FAM13A: variants seen among roughly 807,000 people sequenced by gnomAD.
The protein encoded by FAM13A is family with sequence similarity 13 member A.
In FAM13A, 76 loss-of-function variants were observed where a neutral mutation model predicts 129.6. The observed-to-expected ratio is 0.59, with a 90% confidence interval of 0.49 to 0.71. The LOEUF (loss-of-function observed/expected upper bound fraction) is 0.71, where lower values mean the gene tolerates loss of function less well. FAM13A is among the 30% of genes least tolerant of loss of function. The pLI, the probability that FAM13A is intolerant of heterozygous loss-of-function variation, is 0.00. For synonymous variants in FAM13A, 443 were observed against 449.9 expected, an observed-to-expected ratio of 0.98 and a Z score of 0.20; for missense variants, 1,108 against 1,249.3, an observed-to-expected ratio of 0.89 and a Z score of 1.70.
At chr4:88,734,743 A>T (rs1035911588) in intron 21 of FAM13A, among the ~76,000 whole-genome samples, 2 of 152,216 alleles carry the variant, frequency 1.3e-5, no homozygotes, top group Non-Finnish European at 2.9e-5. Context: ...TCTGGTAAGC[A>T]TCCCACAAAG....
At chr4:88,913,022 GGAAGAA>G (rs60618273) in intron 5 of FAM13A, among the ~76,000 whole-genome samples, 1,527 of 147,704 alleles carry the variant, frequency 0.01, 8 homozygotes, top group Non-Finnish European at 0.015. Flanking sequence ...AGGAGGAGGA[GGAAGAA>G]GAAGAAGAAG....
chr4:88,869,123 A>G (rs988282567), intron 6 of FAM13A, among the ~76,000 whole-genome samples: 5 of 152,176 alleles, frequency 3.3e-5, no homozygotes, highest in Non-Finnish European at 7.4e-5. Context: ...TTTATCTCAA[A>G]TAAGTCTACT....
chr4:88,961,100 G>A (rs1419439483), intron 4 of FAM13A, among the ~76,000 whole-genome samples: 1 of 151,986 alleles, frequency 6.6e-6, no homozygotes, highest in Non-Finnish European at 1.5e-5. Flanking sequence ...GATAGAAATG[G>A]TGACTAAGTT....
intron 13 of FAM13A, among the ~76,000 whole-genome samples, chr4:88,762,492 T>A (rs1560923775): frequency 6.6e-6 from 1 of 152,140 alleles, no homozygotes; most frequent in Non-Finnish European, 1.5e-5. Flanking sequence ...CTGGGGTTGC[T>A]TTCTTACTTG....
chr4:88,876,499 A>T (rs1742499435), intron 6 of FAM13A, among the ~76,000 whole-genome samples: 1 of 152,148 alleles, frequency 6.6e-6, no homozygotes, highest in Non-Finnish European at 1.5e-5. Flanking sequence ...TGTAAAACAG[A>T]ATTTTTTTCT....
intron 6 of FAM13A, 25 bp from the exon 7 acceptor site, chr4:88,851,208 G>A (rs770919539): frequency 1.3e-6 from 2 of 1,526,782 alleles, no homozygotes; most frequent in Non-Finnish European, 1.8e-6. Context: ...AAAGAGGGGT[G>A]GGGGAGAGCT....
intron 3 of FAM13A, among the ~76,000 whole-genome samples, chr4:89,017,552 T>G (rs999558137): frequency 2.0e-5 from 3 of 152,188 alleles, no homozygotes; most frequent in African/African-American, 7.2e-5. Flanking sequence ...CTTTGAAATT[T>G]ATAGGATTTT....
At chr4:89,048,764 A>G (rs1192096218) in intron 1 of FAM13A, among the ~76,000 whole-genome samples, 1 of 152,214 alleles carries the variant, frequency 6.6e-6, no homozygotes, top group Non-Finnish European at 1.5e-5. Flanking sequence ...GATGAAATAG[A>G]TAACTTTTGA....
intron 19 of FAM13A, among the ~76,000 whole-genome samples, chr4:88,746,522 C>T (rs541884671): frequency 6.6e-6 from 1 of 152,204 alleles, no homozygotes. Context: ...TCTAGTTTCA[C>T]ACCTTTCATT....
At chr4:88,975,965 A>G (rs73847210) in intron 4 of FAM13A, among the ~76,000 whole-genome samples, 2,794 of 152,254 alleles carry the variant, frequency 0.018, 81 homozygotes, top group African/African-American at 0.061. Flanking sequence ...GTGGCCAATC[A>G]TTGACACCCA....
chr4:88,816,065 G>C (rs1377179129), intron 7 of FAM13A, among the ~76,000 whole-genome samples: 3 of 150,612 alleles, frequency 2.0e-5, no homozygotes, highest in Admixed American at 6.6e-5. Context: ...ATTAATTCCA[G>C]ATAATTACAA....
intron 6 of FAM13A, among the ~76,000 whole-genome samples, chr4:88,853,437 T>C (rs900326045): frequency 1.3e-4 from 20 of 152,298 alleles, no homozygotes; most frequent in African/African-American, 4.8e-4. Context: ...AGTAAAAATA[T>C]ACGCTGTTAT....
At chr4:88,876,847 T>A (rs1451993124) in intron 6 of FAM13A, among the ~76,000 whole-genome samples, 1 of 152,208 alleles carries the variant, frequency 6.6e-6, no homozygotes, top group Non-Finnish European at 1.5e-5. Context: ...CGCCTCAGCC[T>A]CCCAAAGTGC....
intron 4 of FAM13A, among the ~76,000 whole-genome samples, chr4:88,946,902 C>G (rs1297786790): frequency 6.6e-6 from 1 of 151,986 alleles, no homozygotes; most frequent in Non-Finnish European, 1.5e-5. Context: ...GACAAAAACT[C>G]AAAGAAATGC....
At chr4:88,843,212 C>A (rs1470514498) in intron 7 of FAM13A, among the ~76,000 whole-genome samples, 1 of 152,172 alleles carries the variant, frequency 6.6e-6, no homozygotes, top group Non-Finnish European at 1.5e-5. Context: ...GTGGAAACAT[C>A]TCAGGAAATG....
intron 7 of FAM13A, among the ~76,000 whole-genome samples, chr4:88,825,185 G>A (rs1211182613): frequency 6.6e-6 from 1 of 151,170 alleles, no homozygotes; most frequent in East Asian, 2.0e-4. Context: ...GAGGAATTGT[G>A]GAACCACAGT....
At chr4:88,824,005 ATTTTTT>A (rs1018671294) in intron 7 of FAM13A, among the ~76,000 whole-genome samples, 2 of 151,034 alleles carry the variant, frequency 1.3e-5, no homozygotes, top group Non-Finnish European at 3.0e-5. Flanking sequence ...TTTTATTTTT[ATTTTTT>A]TTTATAGGTA....
intron 4 of FAM13A, among the ~76,000 whole-genome samples, chr4:88,966,983 T>C (rs1466567617): frequency 2.0e-5 from 3 of 152,190 alleles, no homozygotes; most frequent in African/African-American, 7.2e-5. Context: ...AGGCTCTGAG[T>C]CTTCTCTCTA....
chr4:88,832,737 C>T (rs568065189), intron 7 of FAM13A, among the ~76,000 whole-genome samples: 1 of 152,192 alleles, frequency 6.6e-6, no homozygotes, highest in East Asian at 1.9e-4. Flanking sequence ...ACAACAGAGG[C>T]TGGCAAGGTT....
Sources: allele counts gnomAD v4.1 joint callset (sites outside exome capture counted in the v4.1 genomes callset), GRCh38; gene constraint gnomAD v4.1.1; transcripts MANE v1.5; gene names NCBI Gene and HGNC (gene_info 2026-07-23, HGNC 2026-07-21).